Variants in LAT2 observed in about 807,000 individuals in gnomAD.
LAT2 encodes linker for activation of T cells family member 2, also known as linker for activation of T-cells family member 2.
LAT2 carries 23 observed loss-of-function variants against 43.4 expected under a neutral mutation model. The ratio of observed to expected loss-of-function variants is 0.53; its 90% CI spans 0.38 to 0.75. LAT2 has a LOEUF of 0.75. LAT2 is among the 30% of genes least tolerant of loss of function. The pLI, the probability that LAT2 is intolerant of heterozygous loss-of-function variation, is 0.00. For missense variants in LAT2, 284 were observed against 310.2 expected, an observed-to-expected ratio of 0.92 and a Z score of 0.64; for synonymous variants, 128 against 123.2, an observed-to-expected ratio of 1.04 and a Z score of -0.26.
chr7:74,216,128 C>G lies in LAT2; in HGVS notation c.94+59C>G. Reference sequence around the variant, plus strand: ...AGGTGTGGACAGTGCATCTCAGAGGCCCTCTCAGGCCCAGACGTGGCTGTG... The same window carrying G: ...AGGTGTGGACAGTGCATCTCAGAGGGCCTCTCAGGCCCAGACGTGGCTGTG... On this transcript the variant is annotated intron_variant, in intron 3 of 13. Transcript: ENST00000460943. 2.9e-6 allele frequency: 4 copies of G among 1,380,880 alleles called. No individual in the cohort carries two copies. In the Admixed American group the frequency reaches 8.2e-5, roughly 28 times the overall value. 85.5% of individuals were successfully genotyped at this position (1,380,880 alleles called of 1,614,324 possible). A position where few individuals can be genotyped will look rare whatever the true frequency, so the allele number is the denominator to read the frequency against.
intron 1 of LAT2, among the ~76,000 whole-genome samples, chr7:74,214,088 A>AAAAATATATATAAATATATATATG (rs1563966530): frequency 4.0e-5 from 5 of 124,796 alleles, no homozygotes; most frequent in Non-Finnish European, 7.9e-5. Flanking sequence ...ATATATATGA[A>AAAAATATATATAAATATATATATG]AAAATATATA....
At chr7:74,213,562 T>G (rs1235778119) in intron 1 of LAT2, among the ~76,000 whole-genome samples, 15 of 151,982 alleles carry the variant, frequency 9.9e-5, no homozygotes, top group African/African-American at 3.6e-4. Flanking sequence ...TTAGCTGGGA[T>G]CACAGGCGTG....
At chr7:74,211,016 C>T (rs782362353) in intron 1 of LAT2, among the ~76,000 whole-genome samples, 7 of 152,096 alleles carry the variant, frequency 4.6e-5, no homozygotes, top group African/African-American at 9.7e-5. Flanking sequence ...AGCCCAGCCC[C>T]GAGAACTTCC....
At chr7:74,221,720 G>C (rs2116165342) in intron 10 of LAT2, 28 bp downstream of exon 10, 2 of 1,604,146 alleles carry the variant, frequency 1.2e-6, no homozygotes, top group African/African-American at 1.3e-5. Context: ...GCCGGAGGTG[G>C]AGGAAGTGGT....
chr7:74,213,645 G>A (rs559075670), intron 1 of LAT2, among the ~76,000 whole-genome samples: 29 of 151,940 alleles, frequency 1.9e-4, no homozygotes, highest in Middle Eastern at 3.4e-3. Flanking sequence ...GGCTAGTCTC[G>A]AACTCCCGAC....
intron 3 of LAT2, 85 bp downstream of exon 3, chr7:74,216,154 G>A: frequency 8.7e-7 from 1 of 1,148,406 alleles, no homozygotes; most frequent in Non-Finnish European, 1.2e-6. Flanking sequence ...CGTGGCTGTG[G>A]TCAGAAGAGG....
chr7:74,210,774 T>C (rs1462666922), intron 1 of LAT2, among the ~76,000 whole-genome samples: 1 of 151,914 alleles, frequency 6.6e-6, no homozygotes, highest in African/African-American at 2.4e-5. Context: ...ATAGTGAGAC[T>C]CCCATCTCTT....
intron 4 of LAT2, 40 bp from the exon 5 acceptor site, chr7:74,219,704 G>A (rs782679218): frequency 1.2e-6 from 2 of 1,612,970 alleles, no homozygotes; most frequent in African/African-American, 2.7e-5. Context: ...TGGGCTGTGG[G>A]AGTCCAGGCC....
chr7:74,221,520 T>A, intron 9 of LAT2, 117 bp from the exon 10 acceptor site: 1 of 560,184 alleles, frequency 1.8e-6, no homozygotes, highest in Non-Finnish European at 3.1e-6. Flanking sequence ...CAGACCCCCA[T>A]GGCCCCCAAG....
chr7:74,211,911 A>G (rs1414374897), intron 1 of LAT2, among the ~76,000 whole-genome samples: 1 of 152,022 alleles, frequency 6.6e-6, no homozygotes, highest in Non-Finnish European at 1.5e-5. Context: ...GGATGTATTC[A>G]GTCTGGGGGC....
In LAT2 at chr7:74,229,252, A is replaced by G. The variant is rs1479582610; in HGVS notation, c.*327A>G. On this transcript the variant is annotated 3_prime_UTR_variant, in exon 14 of 14. Coordinates refer to ENST00000460943, the MANE Select transcript of LAT2 (RefSeq NM_032464.3). The stretch of plus-strand genomic sequence containing the variant: ...TAGGATAAGCTGTCACCCAGTCCCC[A>G]TAACAAAACCACTGTCCAACACTGG... 6.6e-6 allele frequency: 1 copy of G among 152,432 alleles called. No homozygotes were observed. The highest frequency in any genetic ancestry group is 6.5e-5 in the Admixed American group (1 of 15,278). 9.4% of individuals were successfully genotyped at this position (152,432 alleles called of 1,614,324 possible).
chr7:74,210,368 G>A (rs1801688667), intron 1 of LAT2, among the ~76,000 whole-genome samples: 2 of 152,160 alleles, frequency 1.3e-5, no homozygotes, highest in Admixed American at 6.5e-5. Context: ...GTAAGTGGCC[G>A]AGAGCCAAAA....
intron 1 of LAT2, among the ~76,000 whole-genome samples, chr7:74,214,372 A>T (rs868924712): frequency 1.5e-5 from 1 of 68,874 alleles, no homozygotes; most frequent in Non-Finnish European, 2.5e-5. Flanking sequence ...ATATATATAT[A>T]TGAAAATATA....
At chr7:74,210,753 G>C (rs1186864110) in intron 1 of LAT2, among the ~76,000 whole-genome samples, 1 of 152,140 alleles carries the variant, frequency 6.6e-6, no homozygotes, top group Non-Finnish European at 1.5e-5. Context: ...CTGGAGACCA[G>C]CCTGAGCAAC....
intron 13 of LAT2, among the ~76,000 whole-genome samples, chr7:74,226,971 G>A (rs528168730): frequency 6.6e-6 from 1 of 152,188 alleles, no homozygotes; most frequent in East Asian, 1.9e-4. Context: ...GCCGTTGGTG[G>A]GGAGGCTGAC....
chr7:74,220,038 GA>G lies in LAT2; in HGVS notation c.227+32del. The G allele has an allele frequency of 6.2e-7, 1 of 1,611,588 alleles. No homozygotes were observed. The highest frequency in any genetic ancestry group is 8.5e-7 in the Non-Finnish European group (1 of 1,178,726). On this transcript the variant is annotated intron_variant, in intron 6 of 13. Coordinates refer to ENST00000460943, the MANE Select transcript of LAT2 (RefSeq NM_032464.3). This position sits in a 1 kb window ranked among gnomAD's most constrained non-coding sequence, Gnocchi z 4.5. ...GTCACAGTCCCCCAGGAAGTGACAA[GA>G]ATGAAAGTCCTGGAGGTCCTCACCT...
At chr7:74,221,435 A>T (rs1802275122) in intron 9 of LAT2, among the ~76,000 whole-genome samples, 1 of 147,620 alleles carries the variant, frequency 6.8e-6, no homozygotes, top group South Asian at 2.1e-4. Context: ...AAAAAAAAAA[A>T]AAAAGTGGCT....
chr7:74,226,561 G>C (rs1269787821), intron 13 of LAT2: 2 of 154,678 alleles, frequency 1.3e-5, no homozygotes, highest in Admixed American at 6.5e-5. Context: ...GGGAGGCTGA[G>C]GCAGGAGGAT....
chr7:74,216,234 C>T (rs1204587927), intron 3 of LAT2, among the ~76,000 whole-genome samples, 165 bp downstream of exon 3: 1 of 152,004 alleles, frequency 6.6e-6, no homozygotes, highest in Non-Finnish European at 1.5e-5. Context: ...GTCAGGTGCA[C>T]CCGAGGGCTT....
Sources: allele counts gnomAD v4.1 joint callset (sites outside exome capture counted in the v4.1 genomes callset), GRCh38; gene constraint gnomAD v4.1.1; non-coding constraint Gnocchi (gnomAD v3.1); transcripts MANE v1.5; gene names NCBI Gene and HGNC (gene_info 2026-07-23, HGNC 2026-07-21).